The following MCF2 variants were observed in gnomAD, a reference collection of about 807,000 sequenced individuals.
MCF2 encodes the protein MCF.2 cell line derived transforming sequence, also known as proto-oncogene DBL.
In MCF2, 44 loss-of-function variants were observed where a neutral mutation model predicts 82.5. The ratio of observed to expected loss-of-function variants is 0.53; its 90% CI spans 0.42 to 0.69. The LOEUF (loss-of-function observed/expected upper bound fraction) is 0.69. MCF2 is among the 30% of genes least tolerant of loss of function. The probability of loss-of-function intolerance (pLI) is 0.00; values close to 1 mark genes in which losing one functional copy is unlikely to be tolerated. For missense variants in MCF2, 623 were observed against 663.1 expected (o/e 0.94, Z 0.66); for synonymous variants, 217 against 224.9 (o/e 0.96, Z 0.32).
At chrX:139,675,716 C>T (rs777091615) in intron 1 of MCF2, among the ~76,000 whole-genome samples, 56 of 110,567 alleles carry the variant, frequency 5.1e-4, no homozygotes, top group African/African-American at 1.6e-3. Context: ...GGGGCACCTG[C>T]CTGTATGAGG....
intron 1 of MCF2, among the ~76,000 whole-genome samples, chrX:139,674,633 G>A (rs773761051): frequency 5.4e-5 from 6 of 111,977 alleles, no homozygotes; most frequent in Non-Finnish European, 1.1e-4. Flanking sequence ...TTTTCTTTAA[G>A]TATGTTGAAT....
intron 2 of MCF2, among the ~76,000 whole-genome samples, chrX:139,651,151 TGAACTG>T (rs1933994559): frequency 1.0e-5 from 1 of 99,183 alleles, no homozygotes; most frequent in Admixed American, 1.0e-4. Context: ...TTAATGCCGC[TGAACTG>T]TACTCTTCAA....
intron 1 of MCF2, among the ~76,000 whole-genome samples, chrX:139,669,859 T>C (rs979699737): frequency 9.0e-6 from 1 of 111,694 alleles, no homozygotes; most frequent in African/African-American, 3.3e-5. Context: ...GAGAGAAAGA[T>C]AGAAAATAGA....
chrX:139,605,698 A>G lies in MCF2; in HGVS notation c.1557+15T>C, dbSNP rs1250973618. 6.7e-6 allele frequency: 8 copies of G among 1,187,302 alleles called. No individual in the cohort carries two copies. Among genetic ancestry groups the G allele is most frequent in the Non-Finnish European group, 9.1e-6 (8 of 881,069 alleles). ...TTCGGGAAAAGATAGGGCAAATACAATTTGAGTCGCTTACCAACAAAACAG... is the reference window on the plus strand; with the variant it reads ...TTCGGGAAAAGATAGGGCAAATACAGTTTGAGTCGCTTACCAACAAAACAG... On this transcript the variant is annotated intron_variant, in intron 13 of 24. Transcript: ENST00000370576.
intron 6 of MCF2, among the ~76,000 whole-genome samples, chrX:139,623,715 G>C (rs1021856472): frequency 9.0e-6 from 1 of 111,373 alleles, no homozygotes; most frequent in African/African-American, 3.3e-5. Flanking sequence ...ACGTGCATGT[G>C]TATGCCCTGA....
chrX:139,648,265 C>T (rs1220576480), intron 2 of MCF2, among the ~76,000 whole-genome samples: 7 of 109,782 alleles, frequency 6.4e-5, no homozygotes, highest in Admixed American at 4.9e-4. Context: ...CCAGCTACTC[C>T]GGAGGTTGAG....
chrX:139,679,855 C>T (rs1934958823), intron 1 of MCF2, among the ~76,000 whole-genome samples: 1 of 110,371 alleles, frequency 9.1e-6, no homozygotes, highest in African/African-American at 3.3e-5. Context: ...ACAATATAAC[C>T]TTAAGTATAT....
chrX:139,707,723 C>A (rs1280103626), intron 1 of MCF2, among the ~76,000 whole-genome samples: 3 of 111,831 alleles, frequency 2.7e-5, no homozygotes, highest in Non-Finnish European at 5.6e-5. Context: ...TCCCATGAAG[C>A]CCAGGTGCAC....
chrX:139,633,728 T>C (rs1380170362), intron 1 of MCF2, among the ~76,000 whole-genome samples: 1 of 111,166 alleles, frequency 9.0e-6, no homozygotes, highest in Non-Finnish European at 1.9e-5. Context: ...AAATTTGCAT[T>C]TTAGAAAGAT....
intron 1 of MCF2, among the ~76,000 whole-genome samples, chrX:139,641,058 G>A (rs915134479): frequency 1.8e-5 from 2 of 109,331 alleles, no homozygotes; most frequent in Non-Finnish European, 3.8e-5. Flanking sequence ...AACTTATGTT[G>A]TATATATCAC....
intron 2 of MCF2, among the ~76,000 whole-genome samples, chrX:139,650,298 G>C (rs1186126235): frequency 9.0e-6 from 1 of 111,476 alleles, no homozygotes; most frequent in Non-Finnish European, 1.9e-5. Flanking sequence ...AGGTTACATT[G>C]AGCTATGATC....
intron 16 of MCF2, among the ~76,000 whole-genome samples, chrX:139,601,091 G>C (rs1002590352): frequency 4.5e-5 from 5 of 111,070 alleles, no homozygotes; most frequent in African/African-American, 1.6e-4. Context: ...GGAAGAACTA[G>C]AAAGTAGAGT....
chrX:139,610,607 G>T (rs1187363353), intron 10 of MCF2, among the ~76,000 whole-genome samples: 1 of 111,637 alleles, frequency 9.0e-6, no homozygotes, highest in African/African-American at 3.3e-5. Context: ...AGGTGTTAGT[G>T]CTCATAATTA....
intron 1 of MCF2, among the ~76,000 whole-genome samples, chrX:139,667,266 T>C (rs1167046411): frequency 1.8e-5 from 2 of 108,721 alleles, no homozygotes; most frequent in Non-Finnish European, 3.8e-5. Context: ...GCCACCATGC[T>C]TGGCTTATTT....
chrX:139,692,291 T>C (rs1029026809), intron 1 of MCF2: 21 of 321,292 alleles, frequency 6.5e-5, no homozygotes, highest in African/African-American at 5.9e-4. Flanking sequence ...GTACAGCCCC[T>C]GGCCCCGCTC....
At chrX:139,610,412 T>G in intron 10 of MCF2, 74 bp from the exon 15 acceptor site, 2 of 574,753 alleles carry the variant, frequency 3.5e-6, no homozygotes, top group Non-Finnish European at 5.4e-6. Context: ...TACATATATA[T>G]TTATTAAATA....
intron 1 of MCF2, among the ~76,000 whole-genome samples, chrX:139,667,459 C>T (rs1247593349): frequency 9.0e-6 from 1 of 111,446 alleles, no homozygotes; most frequent in Non-Finnish European, 1.9e-5. Flanking sequence ...AGCCAGTCTC[C>T]AGGCCTGCAG....
chrX:139,593,480 CT>C (rs1929715615), intron 19 of MCF2, among the ~76,000 whole-genome samples: 1 of 110,934 alleles, frequency 9.0e-6, no homozygotes, highest in Admixed American at 9.6e-5. Context: ...GGTACCATTC[CT>C]TCTGAAACTA....
intron 1 of MCF2, chrX:139,691,785 T>G (rs1935271811): frequency 6.0e-6 from 3 of 503,950 alleles, no homozygotes; most frequent in Admixed American, 3.4e-5. Context: ...GACTGGAAAA[T>G]AAAGTGCGCG....
Sources: gnomAD v4.1 joint callset for allele counts (sites outside exome capture counted in the v4.1 genomes callset) on GRCh38, gnomAD v4.1.1 for gene constraint, MANE v1.5 for transcripts, NCBI Gene and HGNC (gene_info 2026-07-23, HGNC 2026-07-21) for gene names.